HEMK2: variants seen among roughly 807,000 people sequenced by gnomAD.
HEMK2 encodes HemK methyltransferase 2, ETF1 glutamine and histone H4 lysine.
chr21:28,730,406 ACACACACACAC>A, the HEMK2 span, among the ~76,000 whole-genome samples: 2 of 106,368 alleles, frequency 1.9e-5, no homozygotes, highest in East Asian at 5.2e-4. Flanking sequence ...ACACACACAC[ACACACACACAC>A]ATTTCTCACA....
chr21:28,685,207 T>C, the HEMK2 span, among the ~76,000 whole-genome samples: 3 of 152,216 alleles, frequency 2.0e-5, no homozygotes, highest in East Asian at 1.9e-4. Flanking sequence ...CTCTATGCAA[T>C]TGCCTTGCCA....
the HEMK2 span, among the ~76,000 whole-genome samples, chr21:28,646,371 G>A: frequency 6.6e-6 from 1 of 152,124 alleles, no homozygotes. Flanking sequence ...TTAGACAGAG[G>A]GAGAAGAGGA....
chr21:28,808,237 A>G, the HEMK2 span, among the ~76,000 whole-genome samples: 2 of 152,308 alleles, frequency 1.3e-5, 1 homozygote. Context: ...TTGATTTTCA[A>G]ACTCATTTCA....
At chr21:28,705,285 A>C in the HEMK2 span, among the ~76,000 whole-genome samples, 4 of 152,154 alleles carry the variant, frequency 2.6e-5, no homozygotes, top group Non-Finnish European at 5.9e-5. Context: ...AACTACAATG[A>C]AGAATTTCAT....
chr21:28,591,187 G>A, the HEMK2 span, among the ~76,000 whole-genome samples: 62 of 152,166 alleles, frequency 4.1e-4, no homozygotes, highest in Non-Finnish European at 8.1e-4. Context: ...TTCAGCCAAT[G>A]TGACCAGATC....
chr21:28,827,496 A>C, the HEMK2 span, among the ~76,000 whole-genome samples: 3 of 152,206 alleles, frequency 2.0e-5, no homozygotes, highest in Admixed American at 6.5e-5. Flanking sequence ...CAGGCACTAC[A>C]CTGAGTGTTT....
chr21:28,863,646 G>A, the HEMK2 span, among the ~76,000 whole-genome samples: 6 of 151,294 alleles, frequency 4.0e-5, no homozygotes, highest in Admixed American at 6.6e-5. Flanking sequence ...AAGCCCTTAC[G>A]TATACACAGA....
At chr21:28,755,079 G>A in the HEMK2 span, among the ~76,000 whole-genome samples, 2 of 152,002 alleles carry the variant, frequency 1.3e-5, no homozygotes, top group Non-Finnish European at 2.9e-5. Context: ...AGCAGCATGG[G>A]TGTGTGCAGA....
At chr21:28,860,456 A>T in the HEMK2 span, among the ~76,000 whole-genome samples, 1 of 148,680 alleles carries the variant, frequency 6.7e-6, no homozygotes, top group East Asian at 1.9e-4. Context: ...ATATATACAA[A>T]ATATATATAT....
the HEMK2 span, among the ~76,000 whole-genome samples, chr21:28,856,204 C>G: frequency 6.6e-5 from 10 of 152,164 alleles, no homozygotes; most frequent in African/African-American, 2.2e-4. Flanking sequence ...CACTTGAGGG[C>G]AGAAGTTTGA....
the HEMK2 span, among the ~76,000 whole-genome samples, chr21:28,858,505 ACTATGTTG>A: frequency 2.0e-5 from 3 of 152,040 alleles, no homozygotes; most frequent in Non-Finnish European, 2.9e-5. Flanking sequence ...ATTTTGAGAT[ACTATGTTG>A]TTATTCAGAT....
the HEMK2 span, among the ~76,000 whole-genome samples, chr21:28,686,489 T>A: frequency 1.3e-5 from 2 of 152,120 alleles, no homozygotes; most frequent in Non-Finnish European, 2.9e-5. Flanking sequence ...CACCTCAGCC[T>A]CCCAAAGTGC....
the HEMK2 span, among the ~76,000 whole-genome samples, chr21:28,793,305 T>A: frequency 6.6e-6 from 1 of 152,188 alleles, no homozygotes; most frequent in Non-Finnish European, 1.5e-5. Flanking sequence ...ATGACAAAAC[T>A]TTTTGGGAAG....
chr21:28,856,888 C>T, the HEMK2 span, among the ~76,000 whole-genome samples: 1 of 152,210 alleles, frequency 6.6e-6, no homozygotes, highest in Non-Finnish European at 1.5e-5. Flanking sequence ...TGCATGGAGA[C>T]ACAGGAGTTT....
At chr21:28,834,841 C>T in the HEMK2 span, among the ~76,000 whole-genome samples, 135 of 152,146 alleles carry the variant, frequency 8.9e-4, no homozygotes, top group African/African-American at 3.1e-3. Context: ...TCAGTTCGCA[C>T]GGGAGCTGGG....
At chr21:28,750,676 G>A in the HEMK2 span, among the ~76,000 whole-genome samples, 2 of 147,804 alleles carry the variant, frequency 1.4e-5, no homozygotes, top group Non-Finnish European at 3.0e-5. Context: ...ACTCCCTCCT[G>A]GGTGACAGAG....
At chr21:28,670,716 T>C in the HEMK2 span, among the ~76,000 whole-genome samples, 17 of 152,332 alleles carry the variant, frequency 1.1e-4, no homozygotes, top group Admixed American at 5.2e-4. Context: ...TGACTCACAG[T>C]TCCACATGGC....
At chr21:28,746,672 T>TAAA in the HEMK2 span, among the ~76,000 whole-genome samples, 2 of 144,862 alleles carry the variant, frequency 1.4e-5, no homozygotes, top group Admixed American at 6.9e-5. Context: ...AGGGCCAATC[T>TAAA]AAAAAAAAAA....
the HEMK2 span, among the ~76,000 whole-genome samples, chr21:28,883,583 T>C: frequency 1.3e-5 from 2 of 150,464 alleles, no homozygotes; most frequent in African/African-American, 4.9e-5. Flanking sequence ...ATTCTTTTTC[T>C]GGACAGCTAT....
Sources: gnomAD v4.1 joint callset for allele counts (sites outside exome capture counted in the v4.1 genomes callset) on GRCh38, gnomAD v4.1.1 for gene constraint, MANE v1.5 for transcripts, NCBI Gene and HGNC (gene_info 2026-07-23, HGNC 2026-07-21) for gene names.